Variants in STRIP2 observed in about 807,000 individuals in gnomAD.
The protein encoded by STRIP2 is striatin-interacting protein 2.
STRIP2 carries 84 observed loss-of-function variants against 107.1 expected under a neutral mutation model. The ratio of observed to expected loss-of-function variants is 0.78; its 90% CI spans 0.66 to 0.94. The LOEUF is 0.94. Among genes scored for constraint, STRIP2 ranks in the 40% least tolerant of loss-of-function variants. STRIP2 has a pLI of 0.00. For missense variants in STRIP2, 888 were observed against 1,034.2 expected (o/e 0.86, Z 1.94); for synonymous variants, 394 against 400.4 (o/e 0.98, Z 0.19).
chr7:129,448,106 A>C (rs1798086625), intron 3 of STRIP2, among the ~76,000 whole-genome samples: 1 of 152,160 alleles, frequency 6.6e-6, no homozygotes. Flanking sequence ...GCCAGCTACT[A>C]AGTATGTCTA....
intron 1 of STRIP2, among the ~76,000 whole-genome samples, chr7:129,435,911 AG>A (rs1276691305): frequency 6.6e-6 from 1 of 152,114 alleles, no homozygotes; most frequent in Non-Finnish European, 1.5e-5. Flanking sequence ...ATTTTGATGT[AG>A]GTAGAGTAGG....
rs996040613 is a variant in STRIP2, at chr7:129,486,042, T to C, written c.*213T>C. The C allele has an allele frequency of 9.1e-6, 5 of 550,852 alleles. No individual in the cohort carries two copies. Among genetic ancestry groups the C allele is most frequent in the African/African-American group, 1.9e-5 (1 of 52,940 alleles). The allele number at this position is 550,852 out of a possible 1,614,324, so 34.1% of individuals were successfully genotyped here. A position where few individuals can be genotyped will look rare whatever the true frequency, so the allele number is the denominator to read the frequency against. ...TGCCCAGTTGGCCTTGGAAATCTTT[T>C]GGTGGATCAATTCTAGACAAGCTCT... On this transcript the variant is annotated 3_prime_UTR_variant, in exon 21 of 21. Coordinates refer to ENST00000249344, the MANE Select transcript of STRIP2 (RefSeq NM_020704.3).
chr7:129,486,484 G>A lies in STRIP2; in HGVS notation c.*655G>A, dbSNP rs1159584263. ...TTCAATGTGAAAATTATTTCCTTGT[G>A]TACTCTGTATAGGGCATGGAATGCT... On this transcript the variant is annotated 3_prime_UTR_variant, in exon 21 of 21. Transcript: ENST00000249344. 1 of 153,382 alleles carries A rather than the reference G, an allele frequency of 6.5e-6. No individual in the cohort carries two copies. Among genetic ancestry groups the A allele is most frequent in the African/African-American group, 2.4e-5 (1 of 41,404 alleles). 9.5% of individuals were successfully genotyped at this position (153,382 alleles called of 1,614,324 possible).
chr7:129,435,374 G>T (rs571138519), intron 1 of STRIP2, among the ~76,000 whole-genome samples: 1 of 152,340 alleles, frequency 6.6e-6, no homozygotes, highest in South Asian at 2.1e-4. Flanking sequence ...CCATCAGTTG[G>T]ATCTGAGCGG....
At chr7:129,442,729 T>G (rs989490883) in intron 2 of STRIP2, among the ~76,000 whole-genome samples, 7 of 152,192 alleles carry the variant, frequency 4.6e-5, no homozygotes, top group Non-Finnish European at 8.8e-5. Context: ...GGGATTTGCT[T>G]CTGGTCACTC....
chr7:129,469,964 A>G (rs1445411425), intron 17 of STRIP2, among the ~76,000 whole-genome samples: 1 of 152,206 alleles, frequency 6.6e-6, no homozygotes, highest in African/African-American at 2.4e-5. Flanking sequence ...AAGGGAGAAG[A>G]GGAAAGAGAC....
chr7:129,472,986 C>T (rs1453610709), intron 18 of STRIP2, among the ~76,000 whole-genome samples: 4 of 151,496 alleles, frequency 2.6e-5, no homozygotes, highest in Non-Finnish European at 4.4e-5. Context: ...AGGCTTTCAT[C>T]ATGTTGGCCA....
In STRIP2 at chr7:129,460,368, C is replaced by G; in HGVS notation, c.1472C>G (p.Ser491Cys). The change falls in exon 13 of 21, where the codon TCT becomes TGT. Residue 491 changes from serine to cysteine, a missense_variant. By Grantham distance (112) the Ser-to-Cys change is moderately radical. Transcript: ENST00000249344. ...GAGGAGCTGGAGAAGTGCCCTATGT[C>G]TTTGGTGAGCCAAGGAAGCCCTACA... is the stretch of plus-strand genomic sequence containing the variant. The part of the protein sequence containing the change: ...NEEELEKCPM[S>C]LGEEVVPETP... 1 of 1,613,548 alleles carries G rather than the reference C, an allele frequency of 6.2e-7. No homozygotes were observed. The highest frequency in any genetic ancestry group is 8.5e-7 in the Non-Finnish European group (1 of 1,179,756).
At position 129,461,991 on chromosome 7, in the gene STRIP2, C is replaced by G. The variant is rs1374792728; in HGVS notation, c.1477-975C>G. Among the ~76,000 whole-genome samples, 1 of 152,136 alleles carries G rather than the reference C, an allele frequency of 6.6e-6. No individual in the cohort carries two copies. The highest frequency in any genetic ancestry group is 1.5e-5 in the Non-Finnish European group (1 of 68,024). ...TTAGAAGCACAGGCGGTTCATCCTT[C>G]ATGTCAAGAAGGAAGGAAGAAGACT... On this transcript the variant is annotated intron_variant, in intron 13 of 20. Transcript: ENST00000249344. The surrounding 1 kb of genome is among the most constrained non-coding windows in gnomAD (Gnocchi z 4.0).
intron 15 of STRIP2, 98 bp downstream of exon 15, chr7:129,464,239 C>T: frequency 1.1e-6 from 1 of 930,414 alleles, no homozygotes; most frequent in Non-Finnish European, 1.7e-6. Context: ...CAGAGATTGT[C>T]TCCAAAGAGA....
At position 129,480,876 on chromosome 7, in the gene STRIP2, A is replaced by G; in HGVS notation, c.2036A>G (p.His679Arg). 6.2e-7 allele frequency: 1 copy of G among 1,612,230 alleles called. No homozygotes were observed. The highest frequency in any genetic ancestry group is 1.1e-5 in the South Asian group (1 of 90,466). Residue 679 changes from histidine to arginine, a missense_variant, in exon 19 of 21, where the codon CAT becomes CGT. Physicochemically the swap from His to Arg is conservative, Grantham distance 29. Coordinates refer to ENST00000249344, the MANE Select transcript of STRIP2 (RefSeq NM_020704.3). ...CTCAATAAACTGACCAAATGGAAACATTCCCGGACCATGGTGAGTGTGGTT... is the reference window on the plus strand; with the variant it reads ...CTCAATAAACTGACCAAATGGAAACGTTCCCGGACCATGGTGAGTGTGGTT... ...RLLNKLTKWK[H>R]SRTMMLVVFK...
intron 19 of STRIP2, 90 bp downstream of exon 19, chr7:129,480,979 G>A: frequency 1.1e-6 from 1 of 952,368 alleles, no homozygotes; most frequent in Non-Finnish European, 1.6e-6. Context: ...CCTGGTTTGT[G>A]ATCTCCGTAT....
At chr7:129,453,715 G>T (rs886443364) in intron 5 of STRIP2, among the ~76,000 whole-genome samples, 1 of 152,180 alleles carries the variant, frequency 6.6e-6, no homozygotes, top group African/African-American at 2.4e-5. Flanking sequence ...ATCAATTCCT[G>T]TCATTGTGCC....
rs1584955518 is a variant in STRIP2, at chr7:129,463,004, C to CT, written c.1516dup (p.Tyr506LeufsTer17). 3.1e-6 allele frequency: 5 copies of CT among 1,614,098 alleles called. No individual in the cohort carries two copies. The highest frequency in any genetic ancestry group is 3.4e-6 in the Non-Finnish European group (4 of 1,179,942). ...TACCAGAGACGCCATGTGAAATCCT[C>CT]TACCAGGGAATGCTGTACAGCCTTC... On this transcript the variant is annotated frameshift_variant, in exon 14 of 21. Coordinates refer to ENST00000249344, the MANE Select transcript of STRIP2 (RefSeq NM_020704.3). LOFTEE classifies it high-confidence loss of function.
intron 4 of STRIP2, among the ~76,000 whole-genome samples, chr7:129,452,894 C>T (rs1352286845): frequency 2.0e-5 from 3 of 152,198 alleles, no homozygotes; most frequent in Non-Finnish European, 4.4e-5. Context: ...ACTCTTTGGG[C>T]TTCCTTTTCT....
At chr7:129,457,542 C>T (rs1427055018) in intron 9 of STRIP2, among the ~76,000 whole-genome samples, 1 of 152,226 alleles carries the variant, frequency 6.6e-6, no homozygotes, top group Non-Finnish European at 1.5e-5. Flanking sequence ...GCCTGACCCA[C>T]TTCAGTTTAT....
At chr7:129,454,838 G>C (rs936024469) in intron 7 of STRIP2, among the ~76,000 whole-genome samples, 1 of 152,178 alleles carries the variant, frequency 6.6e-6, no homozygotes, top group Non-Finnish European at 1.5e-5. Flanking sequence ...GAATCACCTT[G>C]AAAACTGAGT....
In STRIP2 at chr7:129,456,625, C is replaced by A. The variant is rs377588013; in HGVS notation, c.1021C>A (p.Arg341Ser). The change falls in exon 9 of 21, where the codon CGC (arginine) becomes AGC (serine). Residue 341 changes from arginine (R) to serine (S), a missense_variant. Physicochemically the swap from Arg to Ser is moderately radical, Grantham distance 110 (BLOSUM62 -1). Coordinates refer to ENST00000249344, the MANE Select transcript of STRIP2 (RefSeq NM_020704.3). Reference sequence around the variant, plus strand: ...ACCCCCACCCTCCAAGCTGCGAGGCCGCCGTGGCTCTCGAAGGGTATGGAC... The same window carrying A: ...ACCCCCACCCTCCAAGCTGCGAGGCAGCCGTGGCTCTCGAAGGGTATGGAC... ...LAPPPSKLRG[R>S]RGSRRQLLTK... is the part of the protein sequence containing the mutation. The A allele has an allele frequency of 1.2e-6, 2 of 1,613,828 alleles. No individual in the cohort carries two copies. Among genetic ancestry groups the A allele is most frequent in the East Asian group, 2.2e-5 (1 of 44,886 alleles).
At chr7:129,456,938 C>G (rs1387886140) in intron 9 of STRIP2, among the ~76,000 whole-genome samples, 1 of 152,084 alleles carries the variant, frequency 6.6e-6, no homozygotes. Flanking sequence ...TTCTGAATAA[C>G]AATTAAGGGT....
Sources: gnomAD v4.1 joint callset for allele counts (sites outside exome capture counted in the v4.1 genomes callset) on GRCh38, gnomAD v4.1.1 for gene constraint, Gnocchi (gnomAD v3.1) non-coding constraint, MANE v1.5 for transcripts, NCBI Gene and HGNC (gene_info 2026-07-23, HGNC 2026-07-21) for gene names.